ARMH4: variants seen among roughly 807,000 people sequenced by gnomAD.
The protein encoded by ARMH4 is armadillo like helical domain containing 4.
Under a neutral mutation model 61.9 loss-of-function variants are expected in ARMH4, and 49 were observed. That is an observed-to-expected ratio of 0.79 (90% confidence interval 0.63 to 1.00). The LOEUF is 1.00. ARMH4 is among the 50% of genes least tolerant of loss of function. The probability of loss-of-function intolerance (pLI) is 0.00; values close to 1 mark genes in which losing one functional copy is unlikely to be tolerated. For missense variants in ARMH4, 934 were observed against 930.0 expected, an observed-to-expected ratio of 1.00 and a Z score of -0.06; for synonymous variants, 368 against 341.5, an observed-to-expected ratio of 1.08 and a Z score of -0.85.
At chr14:58,014,345 C>T (rs1001775315) in intron 5 of ARMH4, among the ~76,000 whole-genome samples, 1 of 152,098 alleles carries the variant, frequency 6.6e-6, no homozygotes, top group Non-Finnish European at 1.5e-5. Flanking sequence ...AGCCTAGGAA[C>T]CTCAAGAATA....
At chr14:58,061,252 C>T (rs893570877) in intron 5 of ARMH4, among the ~76,000 whole-genome samples, 11 of 152,188 alleles carry the variant, frequency 7.2e-5, no homozygotes, top group South Asian at 2.1e-4. Context: ...CTAGGACGAG[C>T]GACCTTTCCT....
intron 6 of ARMH4, among the ~76,000 whole-genome samples, chr14:58,010,219 GACAA>G (rs138608268): frequency 0.032 from 4,700 of 148,528 alleles, 90 homozygotes; most frequent in Middle Eastern, 0.075. Context: ...TGGATGGATG[GACAA>G]ACAGAGAGTG....
Position 58,139,231 on chromosome 14 carries a change from T to C in ARMH4, c.128A>G (p.Glu43Gly). Residue 43 changes from glutamate to glycine, a missense_variant, in exon 2 of 8, where the codon GAA (glutamate) becomes GGA (glycine). Physicochemically the swap from Glu to Gly is moderately conservative, Grantham distance 98. Transcript: ENST00000267485. The part of the protein sequence containing the change: ...RRREIAHVHA[E>G]KGQSDKMNTD... ...GTTCATCTTATCGGACTGCCCTTTT[T>C]CCGCATGAACATGTGCTATCTCCCT... is the stretch of plus-strand genomic sequence containing the variant. 6.2e-7 allele frequency: 1 copy of C among 1,614,236 alleles called. No homozygotes were observed. The highest frequency in any genetic ancestry group is 8.5e-7 in the Non-Finnish European group (1 of 1,180,044).
At chr14:58,052,781 C>T (rs143528061) in intron 5 of ARMH4, among the ~76,000 whole-genome samples, 384 of 152,300 alleles carry the variant, frequency 2.5e-3, no homozygotes, top group Non-Finnish European at 3.8e-3. Flanking sequence ...ACAGTTCCAG[C>T]TCTGCCTCTC....
At chr14:58,108,625 T>C (rs1886245782) in intron 4 of ARMH4, among the ~76,000 whole-genome samples, 1 of 152,248 alleles carries the variant, frequency 6.6e-6, no homozygotes, top group Non-Finnish European at 1.5e-5. Flanking sequence ...ACAGTTTGTT[T>C]ATCCCCATGT....
chr14:58,017,559 G>A (rs979491843), intron 5 of ARMH4, among the ~76,000 whole-genome samples: 7 of 151,940 alleles, frequency 4.6e-5, no homozygotes, highest in Non-Finnish European at 1.0e-4. Flanking sequence ...AAATACTCAG[G>A]CATAAATTTA....
At position 58,139,192 on chromosome 14, in the gene ARMH4, T is replaced by C; in HGVS notation, c.167A>G (p.Glu56Gly). The C allele has an allele frequency of 6.2e-7, 1 of 1,614,220 alleles. No individual in the cohort carries two copies. The highest frequency in any genetic ancestry group is 2.2e-5 in the East Asian group (1 of 44,882). ...QSDKMNTDDL[E>G]NSSVTSKQTP... ...CTGCTTTGAGGTAACAGAGCTATTT[T>C]CTAGGTCATCGGTGTTCATCTTATC... Residue 56 changes from glutamate to glycine, a missense_variant, in exon 2 of 8, where the codon GAA (glutamate) becomes GGA (glycine). By Grantham distance (98) the Glu-to-Gly change is moderately conservative. Coordinates refer to ENST00000267485, the MANE Select transcript of ARMH4 (RefSeq NM_001001872.4).
At position 58,138,461 on chromosome 14, in the gene ARMH4, C is replaced by T. The variant is rs773670822; in HGVS notation, c.898G>A (p.Val300Ile). 5 of 1,614,248 alleles carry T rather than the reference C, an allele frequency of 3.1e-6. No individual in the cohort carries two copies. The East Asian group carries it at 1.1e-4, about 36-fold the overall frequency. Reference sequence around the variant, plus strand: ...GAGGCAGCTGGAACAGCTGTGCTGACACTCACTGTGACTTCTGGGGCTCCC... The same window carrying T: ...GAGGCAGCTGGAACAGCTGTGCTGATACTCACTGTGACTTCTGGGGCTCCC... Reference protein sequence around the residue: ...LLGAPEVTVSVSTAVPAASAL... With the variant: ...LLGAPEVTVSISTAVPAASAL... The change falls in exon 2 of 8, where the codon GTC (valine) becomes ATC (isoleucine). Residue 300 changes from valine (V) to isoleucine (I), a missense_variant. Val to Ile is a conservative substitution (Grantham distance 29, BLOSUM62 3). Transcript: ENST00000267485.
chr14:58,027,107 G>T (rs1302849385), intron 5 of ARMH4, among the ~76,000 whole-genome samples: 1 of 152,128 alleles, frequency 6.6e-6, no homozygotes, highest in African/African-American at 2.4e-5. Context: ...ACAATAATGG[G>T]CAAATACCAA....
At chr14:58,032,586 TC>T (rs1883286985) in intron 5 of ARMH4, among the ~76,000 whole-genome samples, 1 of 152,062 alleles carries the variant, frequency 6.6e-6, no homozygotes, top group African/African-American at 2.4e-5. Context: ...GGTCTACAGC[TC>T]CCAGCGTGAG....
At chr14:58,008,673 G>T (rs1882274961) in intron 6 of ARMH4, among the ~76,000 whole-genome samples, 1 of 152,182 alleles carries the variant, frequency 6.6e-6, no homozygotes, top group Non-Finnish European at 1.5e-5. Flanking sequence ...ACACCTGCAA[G>T]ACTTACTAAA....
intron 5 of ARMH4, among the ~76,000 whole-genome samples, chr14:58,032,140 G>C (rs1012949345): frequency 7.2e-5 from 11 of 152,174 alleles, no homozygotes; most frequent in Admixed American, 1.3e-4. Context: ...GGAGAGGTCT[G>C]TTCTGGGCCC....
At chr14:58,011,971 T>G (rs1882425552) in intron 6 of ARMH4, 148 bp downstream of exon 6, 1 of 597,586 alleles carries the variant, frequency 1.7e-6, no homozygotes, top group African/African-American at 2.0e-5. Context: ...GGGCTTCTTT[T>G]TTGCAGGTAC....
chr14:58,012,709 T>C (rs1207534706), intron 5 of ARMH4, among the ~76,000 whole-genome samples: 1 of 152,202 alleles, frequency 6.6e-6, no homozygotes, highest in Non-Finnish European at 1.5e-5. Context: ...ACTTGTGAAC[T>C]GTACCATTCT....
chr14:58,057,917 C>T (rs776289327), intron 5 of ARMH4, among the ~76,000 whole-genome samples: 41 of 152,046 alleles, frequency 2.7e-4, no homozygotes, highest in Non-Finnish European at 3.8e-4. Flanking sequence ...TATTTGAGTA[C>T]GGCAACACAG....
chr14:58,082,371 C>T (rs1239454972), intron 5 of ARMH4, among the ~76,000 whole-genome samples: 1 of 152,226 alleles, frequency 6.6e-6, no homozygotes, highest in African/African-American at 2.4e-5. Flanking sequence ...TCTGCCTAAC[C>T]TTCAAGGCCA....
intron 5 of ARMH4, among the ~76,000 whole-genome samples, chr14:58,052,931 C>G (rs537815398): frequency 2.2e-4 from 33 of 152,284 alleles, no homozygotes; most frequent in Admixed American, 2.0e-3. Flanking sequence ...TCTCTCATCT[C>G]AGGGAGAACA....
At chr14:58,092,254 C>T (rs1410929344) in intron 5 of ARMH4, among the ~76,000 whole-genome samples, 1 of 152,126 alleles carries the variant, frequency 6.6e-6, no homozygotes, top group Non-Finnish European at 1.5e-5. Context: ...AGGAATGAAG[C>T]GGACAGCCAA....
intron 4 of ARMH4, among the ~76,000 whole-genome samples, chr14:58,121,061 T>C (rs1886706978): frequency 6.6e-6 from 1 of 152,172 alleles, no homozygotes; most frequent in Admixed American, 6.6e-5. Flanking sequence ...TTGGTCAAGA[T>C]TAAAACATCA....
Sources: allele counts gnomAD v4.1 joint callset (sites outside exome capture counted in the v4.1 genomes callset), GRCh38; gene constraint gnomAD v4.1.1; transcripts MANE v1.5; gene names NCBI Gene and HGNC (gene_info 2026-07-23, HGNC 2026-07-21).